Variants in SMPDL3A observed in about 807,000 individuals in gnomAD.
The protein encoded by SMPDL3A is cyclic GMP-AMP phosphodiesterase SMPDL3A.
A neutral mutation model predicts 38.5 loss-of-function variants in SMPDL3A; 39 were observed. The ratio of observed to expected loss-of-function variants is 1.01; its 90% CI spans 0.78 to 1.32. The LOEUF is 1.32. Among genes scored for constraint, SMPDL3A ranks in the 40% most tolerant of loss-of-function variants. The probability of loss-of-function intolerance (pLI) is 0.00; values close to 1 mark genes in which losing one functional copy is unlikely to be tolerated. For missense variants in SMPDL3A, 502 were observed against 536.2 expected (o/e 0.94, Z 0.63); for synonymous variants, 180 against 194.3 (o/e 0.93, Z 0.61).
At chr6:122,789,725 C>A in intron 1 of SMPDL3A, 1 of 683,676 alleles carries the variant, frequency 1.5e-6, no homozygotes, top group Non-Finnish European at 1.8e-6. Flanking sequence ...GCGCGTCGGC[C>A]GGATTTCGCC....
chr6:122,806,305 A>G lies in SMPDL3A; in HGVS notation c.992A>G (p.Asn331Ser). 6.2e-7 allele frequency: 1 copy of G among 1,613,580 alleles called. No homozygotes were observed. The highest frequency in any genetic ancestry group is 8.5e-7 in the Non-Finnish European group (1 of 1,179,654). Residue 331 changes from asparagine to serine, a missense_variant, in exon 7 of 8, where the codon AAC (asparagine) becomes AGC (serine). Asn to Ser is a conservative substitution (Grantham distance 46). Coordinates refer to ENST00000368440, the MANE Select transcript of SMPDL3A (RefSeq NM_006714.5). ...AAGAGTGTTTTAGAAAAACAGACCA[A>G]CAATCCTGGTATCAGACTGTTTCAG... ...PVKSVLEKQT[N>S]NPGIRLFQYD...
At chr6:122,800,320 T>G (rs560255373) in intron 3 of SMPDL3A, among the ~76,000 whole-genome samples, 22 of 152,246 alleles carry the variant, frequency 1.4e-4, no homozygotes, top group Non-Finnish European at 3.1e-4. Flanking sequence ...CTAAAGAGAC[T>G]TCTCCAAATC....
intron 1 of SMPDL3A, among the ~76,000 whole-genome samples, chr6:122,792,733 A>G (rs547769149): frequency 5.9e-4 from 90 of 151,456 alleles, no homozygotes; most frequent in African/African-American, 2.0e-3. Context: ...TCCCTGGCTC[A>G]AGAGATCCTT....
intron 1 of SMPDL3A, among the ~76,000 whole-genome samples, chr6:122,791,391 T>G (rs1360037968): frequency 6.6e-6 from 1 of 152,202 alleles, no homozygotes; most frequent in Non-Finnish European, 1.5e-5. Flanking sequence ...AACTGTAACC[T>G]AGCTTAATAG....
chr6:122,806,242 TA>T lies in SMPDL3A; in HGVS notation c.932del (p.Asn311IlefsTer12). The T allele has an allele frequency of 6.2e-7, 1 of 1,612,536 alleles. No homozygotes were observed. The highest frequency in any genetic ancestry group is 8.5e-7 in the Non-Finnish European group (1 of 1,179,102). ...MVLSDKKGSP[V>X]NSLFVAPAVT... ...CATACGTTTTGTTCAGGAAGTCCAGTAAATTCTTTGTTTGTGGCTCCTGCTG... is the reference window on the plus strand; with the variant it reads ...CATACGTTTTGTTCAGGAAGTCCAGTAATTCTTTGTTTGTGGCTCCTGCTG... On this transcript the variant is annotated frameshift_variant, in exon 7 of 8. Transcript: ENST00000368440. LOFTEE classifies it high-confidence loss of function.
At chr6:122,799,845 G>T (rs1781367960) in intron 3 of SMPDL3A, among the ~76,000 whole-genome samples, 1 of 151,796 alleles carries the variant, frequency 6.6e-6, no homozygotes, top group Admixed American at 6.6e-5. Context: ...CCAATGTACA[G>T]AAGTAAATGA....
At chr6:122,808,742 C>G (rs987540639) in intron 7 of SMPDL3A, among the ~76,000 whole-genome samples, 1 of 150,896 alleles carries the variant, frequency 6.6e-6, no homozygotes, top group African/African-American at 2.4e-5. Context: ...GGCGCAATCT[C>G]GCAATCCCGG....
At chr6:122,798,761 A>G (rs1394087910) in intron 3 of SMPDL3A, among the ~76,000 whole-genome samples, 2 of 152,152 alleles carry the variant, frequency 1.3e-5, no homozygotes, top group East Asian at 3.9e-4. Context: ...CTTTTTGTCA[A>G]GTCAGATCTT....
At position 122,796,979 on chromosome 6, in the gene SMPDL3A, T is replaced by C. The variant is rs749086890; in HGVS notation, c.471+11T>C. On this transcript the variant is annotated intron_variant, in intron 3 of 7. Transcript: ENST00000368440. ...GACTATTGGCCACAGGTAAATTTGA[T>C]AGACTTTCAGAAATGCTTAAAGAAT... 29 of 1,606,388 alleles carry C rather than the reference T, an allele frequency of 1.8e-5. No homozygotes were observed. The highest frequency in any genetic ancestry group is 2.4e-5 in the Non-Finnish European group (28 of 1,177,440).
rs750478211 is a variant in SMPDL3A at position 122,805,027 on chromosome 6, T to C, written c.857T>C (p.Ile286Thr). The C allele has an allele frequency of 1.2e-6, 2 of 1,613,352 alleles. No individual in the cohort carries two copies. The highest frequency in any genetic ancestry group is 1.7e-6 in the Non-Finnish European group (2 of 1,179,816). The change falls in exon 6 of 8, where the codon ATT (isoleucine) becomes ACT (threonine). Residue 286 changes from isoleucine to threonine, a missense_variant. Ile to Thr is a moderately conservative substitution (Grantham distance 89, BLOSUM62 -1). Transcript: ENST00000368440. ...ATTTTTCAAAAATACAGTGATGTCATTGCAGGACAATTTTATGGACACACT... is the reference window on the plus strand; with the variant it reads ...ATTTTTCAAAAATACAGTGATGTCACTGCAGGACAATTTTATGGACACACT... ...IDIFQKYSDV[I>T]AGQFYGHTHR... is the part of the protein sequence containing the mutation.
At position 122,796,879 on chromosome 6, in the gene SMPDL3A, G is replaced by A. The variant is rs1039898660; in HGVS notation, c.382G>A (p.Val128Met). The change falls in exon 3 of 8, where the codon GTG becomes ATG. Residue 128 changes from valine to methionine, a missense_variant. Physicochemically the swap from Val to Met is conservative, Grantham distance 21. Transcript: ENST00000368440. ...PELSTDTVIN[V>M]ITNMTTTIQS... Reference sequence around the variant, plus strand: ...ACTCTCAACAGACACTGTTATAAATGTGATCACTAATATGACAACCACCAT... The same window carrying A: ...ACTCTCAACAGACACTGTTATAAATATGATCACTAATATGACAACCACCAT... 1.2e-6 allele frequency: 2 copies of A among 1,612,826 alleles called. No homozygotes were observed. Among genetic ancestry groups the A allele is most frequent in the Non-Finnish European group, 1.7e-6 (2 of 1,179,024 alleles).
At chr6:122,800,295 A>G (rs940801045) in intron 3 of SMPDL3A, among the ~76,000 whole-genome samples, 4 of 152,258 alleles carry the variant, frequency 2.6e-5, no homozygotes, top group African/African-American at 7.2e-5. Flanking sequence ...ATATTTTGAT[A>G]TAATTTATGC....
Position 122,795,838 on chromosome 6 carries a change from T to G in SMPDL3A, c.274T>G (p.Phe92Val). The G allele has an allele frequency of 6.2e-7, 1 of 1,614,126 alleles. No individual in the cohort carries two copies. ...DSPYQLILSA[F>V]DFIKNSGQEA... ...TCCATATCAACTTATTTTGTCAGCA[T>G]TTGATTTTATTAAAAATTCTGGACA... Residue 92 changes from phenylalanine to valine, a missense_variant, in exon 2 of 8, where the codon TTT (phenylalanine) becomes GTT (valine). Transcript: ENST00000368440.
chr6:122,809,212 A>G lies in SMPDL3A; in HGVS notation c.1166A>G (p.Tyr389Cys). ...GAAGATTTGCAGCCGGAAAGTTTAT[A>G]TGGATTAGCTAAACAATTTACAATC... ...DIEDLQPESL[Y>C]GLAKQFTILD... is the part of the protein sequence containing the mutation. Residue 389 changes from tyrosine to cysteine, a missense_variant, in exon 8 of 8, where the codon TAT (tyrosine) becomes TGT (cysteine). Physicochemically the swap from Tyr to Cys is radical, Grantham distance 194. Transcript: ENST00000368440. The G allele has an allele frequency of 6.2e-7, 1 of 1,614,210 alleles. No homozygotes were observed.
chr6:122,795,619 T>A, intron 1 of SMPDL3A, 58 bp from the exon 2 acceptor site: 1 of 1,294,864 alleles, frequency 7.7e-7, no homozygotes, highest in South Asian at 1.3e-5. Context: ...TAAATATTTT[T>A]ATGAGAATTC....
At chr6:122,801,737 A>G (rs536783168) in intron 4 of SMPDL3A, among the ~76,000 whole-genome samples, 76 of 152,360 alleles carry the variant, frequency 5.0e-4, no homozygotes, top group Non-Finnish European at 8.8e-4. Context: ...GAGAGAATGG[A>G]CACTAACTTC....
Position 122,809,540 on chromosome 6 carries a change from C to A in SMPDL3A, c.*132C>A, listed in dbSNP as rs11557424. 6.5e-6 allele frequency: 4 copies of A among 615,642 alleles called. No homozygotes were observed. Among genetic ancestry groups the A allele is most frequent in the Non-Finnish European group, 1.1e-5 (4 of 356,348 alleles). The allele number at this position is 615,642 out of a possible 1,614,324, so 38.1% of individuals were successfully genotyped here. ...CTGTCTTTGCTTTCTTTTTTTTTTTCTTTTTGATGCCTTAATGTAGATATC... is the reference window on the plus strand; with the variant it reads ...CTGTCTTTGCTTTCTTTTTTTTTTTATTTTTGATGCCTTAATGTAGATATC... On this transcript the variant is annotated 3_prime_UTR_variant, in exon 8 of 8. Transcript: ENST00000368440.
intron 7 of SMPDL3A, 145 bp downstream of exon 7, chr6:122,806,502 G>C (rs1781626453): frequency 2.4e-6 from 2 of 840,256 alleles, no homozygotes; most frequent in African/African-American, 3.4e-5. Flanking sequence ...TTTTATACTT[G>C]CAATGTTATC....
At chr6:122,808,976 G>A (rs1184186356) in intron 7 of SMPDL3A, 115 bp from the exon 8 acceptor site, 1 of 829,410 alleles carries the variant, frequency 1.2e-6, no homozygotes, top group Non-Finnish European at 1.9e-6. Context: ...TTACAGGCGT[G>A]AGCCACAGCG....
Sources: gnomAD v4.1 joint callset for allele counts (sites outside exome capture counted in the v4.1 genomes callset) on GRCh38, gnomAD v4.1.1 for gene constraint, MANE v1.5 for transcripts, NCBI Gene and HGNC (gene_info 2026-07-23, HGNC 2026-07-21) for gene names.